Variants in ANKS6 observed in about 807,000 individuals in gnomAD.
The protein encoded by ANKS6 is ankyrin repeat and sterile alpha motif domain containing 6.
ANKS6 carries 47 observed loss-of-function variants against 77.9 expected under a neutral mutation model. The observed-to-expected ratio is 0.60, with a 90% confidence interval of 0.48 to 0.77. The LOEUF is 0.77. Ranked by LOEUF, ANKS6 falls within the 30% of genes least tolerant of loss-of-function variation. The probability of loss-of-function intolerance (pLI) is 0.00; values close to 1 mark genes in which losing one functional copy is unlikely to be tolerated. For missense variants in ANKS6, 1,150 were observed against 1,159.1 expected, an observed-to-expected ratio of 0.99 and a Z score of 0.11; for synonymous variants, 488 against 501.7, an observed-to-expected ratio of 0.97 and a Z score of 0.37.
intron 3 of ANKS6, 143 bp downstream of exon 3, chr9:98,784,689 C>G (rs1313030329): frequency 1.3e-6 from 1 of 766,498 alleles, no homozygotes; most frequent in African/African-American, 1.7e-5. Context: ...CCTCCAGGAT[C>G]TGAACTTCCA....
In ANKS6 at chr9:98,783,972, T is replaced by C; in HGVS notation, c.1093A>G (p.Met365Val). 6.3e-7 allele frequency: 1 copy of C among 1,599,756 alleles called. No homozygotes were observed. Among genetic ancestry groups the C allele is most frequent in the Non-Finnish European group, 8.5e-7 (1 of 1,174,098 alleles). Residue 365 changes from methionine to valine, a missense_variant, in exon 4 of 15, where the codon ATG becomes GTG. Coordinates refer to ENST00000353234, the MANE Select transcript of ANKS6 (RefSeq NM_173551.5). ...QDSVHGWTAL[M>V]QATYHGNKEI... ...ACTGACCCATGGTAGGTTGCCTGCA[T>C]GAGGGCCGTCCAGCCATGCACGCTG... is the stretch of plus-strand genomic sequence containing the variant.
At chr9:98,787,626 T>C (rs1018082758) in intron 2 of ANKS6, among the ~76,000 whole-genome samples, 7 of 152,200 alleles carry the variant, frequency 4.6e-5, no homozygotes, top group Admixed American at 2.6e-4. Context: ...TTCCATTTAT[T>C]GGATGTCGTC....
Position 98,736,571 on chromosome 9 carries a change from A to G in ANKS6, c.2564T>C (p.Phe855Ser), listed in dbSNP as rs200644058. The change falls in exon 15 of 15, where the codon TTT (phenylalanine) becomes TCT (serine). Residue 855 changes from phenylalanine to serine, a missense_variant. Phe to Ser is a radical substitution (Grantham distance 155). Transcript: ENST00000353234. The stretch of plus-strand genomic sequence containing the variant: ...CCTGGTGTTGCTGGCACTGCTCTCA[A>G]AGGAAGAGTGAAAGTTGTGAATGGT... ...QETIHNFHSS[F>S]ESSASNTRAP... is the part of the protein sequence containing the mutation. 1,716 of 1,613,736 alleles carry G rather than the reference A, an allele frequency of 1.1e-3. 1 individual carries two copies. Among genetic ancestry groups the G allele is most frequent in the Non-Finnish European group, 1.3e-3 (1,580 of 1,179,860 alleles).
At chr9:98,769,626 TA>T (rs1312548731) in intron 10 of ANKS6, among the ~76,000 whole-genome samples, 1 of 152,250 alleles carries the variant, frequency 6.6e-6, no homozygotes, top group Non-Finnish European at 1.5e-5. Context: ...CAGAGCAGTT[TA>T]TAGTTTAGAA....
In ANKS6 at chr9:98,768,251, C is replaced by T. The variant is rs1458080834; in HGVS notation, c.1973-1G>A. 6.2e-7 allele frequency: 1 copy of T among 1,613,850 alleles called. No individual in the cohort carries two copies. Among genetic ancestry groups the T allele is most frequent in the Admixed American group, 1.7e-5 (1 of 60,008 alleles). On this transcript the variant is annotated splice_acceptor_variant, in intron 10 of 14. Transcript: ENST00000353234. LOFTEE classifies it high-confidence loss of function. ...GACAAGACATTGTCTATGCTGCCACCTGAGGAAACACAAAATGAGTGAACA... is the reference window on the plus strand; with the variant it reads ...GACAAGACATTGTCTATGCTGCCACTTGAGGAAACACAAAATGAGTGAACA...
rs1427336378 is a variant in ANKS6, at chr9:98,796,487, C to T, written c.5G>A (p.Gly2Asp). 8 of 989,458 alleles carry T rather than the reference C, an allele frequency of 8.1e-6. No individual in the cohort carries two copies. The East Asian group carries it at 6.6e-4, about 82-fold the overall frequency. 61.3% of individuals were successfully genotyped at this position (989,458 alleles called of 1,614,324 possible). A position where few individuals can be genotyped will look rare whatever the true frequency, so the allele number is the denominator to read the frequency against. ...GAAGGCCGGGGGCAGCCCGCCCTCG[C>T]CCATCGCCGCCGCCACGCGCGGCCC... Reference protein sequence around the residue: MGEGGLPPAFQL... With the variant: MDEGGLPPAFQL... The change falls in exon 1 of 15, where the codon GGC becomes GAC. Residue 2 changes from glycine to aspartate, a missense_variant. Physicochemically the swap from Gly to Asp is moderately conservative, Grantham distance 94. Transcript: ENST00000353234.
chr9:98,748,793 C>T (rs1302345285), intron 13 of ANKS6, among the ~76,000 whole-genome samples: 1 of 152,110 alleles, frequency 6.6e-6, no homozygotes, highest in African/African-American at 2.4e-5. Context: ...TTCAAATACA[C>T]ATAGTTAAAT....
chr9:98,756,180 T>C (rs1350288594), intron 12 of ANKS6, among the ~76,000 whole-genome samples: 1 of 152,160 alleles, frequency 6.6e-6, no homozygotes, highest in Non-Finnish European at 1.5e-5. Flanking sequence ...TGTATGTTTG[T>C]GCATGTAAAC....
intron 8 of ANKS6, among the ~76,000 whole-genome samples, chr9:98,774,862 C>T (rs781527601): frequency 2.7e-4 from 41 of 152,342 alleles, no homozygotes; most frequent in East Asian, 1.5e-3. Context: ...TTTGCAGCAA[C>T]GGGCATCCCA....
intron 5 of ANKS6, among the ~76,000 whole-genome samples, chr9:98,781,878 C>T (rs1029424166): frequency 1.1e-4 from 16 of 152,250 alleles, no homozygotes; most frequent in Middle Eastern, 3.4e-3. Flanking sequence ...ATAAGAAAGA[C>T]GACAGATCAG....
chr9:98,791,507 T>C lies in ANKS6; in HGVS notation c.360-901A>G, dbSNP rs536548683. On this transcript the variant is annotated intron_variant, in intron 1 of 14. Coordinates refer to ENST00000353234, the MANE Select transcript of ANKS6 (RefSeq NM_173551.5). The surrounding 1 kb of genome is among the most constrained non-coding windows in gnomAD (Gnocchi z 4.3). ...CCTCTTCCCAGCAAAATCTCTTCCT[T>C]CTTTTAACACCAGAGGGCAGAAAAG... Among the ~76,000 whole-genome samples the C allele has an allele frequency of 1.3e-5, 2 of 152,238 alleles. No individual in the cohort carries two copies. The highest frequency in any genetic ancestry group is 1.9e-4 in the East Asian group (1 of 5,176).
At chr9:98,755,427 T>C (rs1447966683) in intron 12 of ANKS6, among the ~76,000 whole-genome samples, 1 of 152,200 alleles carries the variant, frequency 6.6e-6, no homozygotes. Context: ...ATGGGATTCC[T>C]TTCTTCATCT....
rs79980371 is a variant in ANKS6 at position 98,751,285 on chromosome 9, C to T, written c.2327-189G>A. On this transcript the variant is annotated intron_variant, in intron 12 of 14. Transcript: ENST00000353234. ...GTGGGTCCTGAGCTACCTGCACCCT[C>T]TTCCCCTCAAGGCAGGCCCTCAGCA... Among the ~76,000 whole-genome samples, 688 of 152,322 alleles carry T rather than the reference C, an allele frequency of 4.5e-3. 7 individuals are homozygous for T. The highest frequency in any genetic ancestry group is 0.021 in the East Asian group (111 of 5,180).
chr9:98,779,695 G>A (rs976324772), intron 6 of ANKS6, among the ~76,000 whole-genome samples: 1 of 151,596 alleles, frequency 6.6e-6, no homozygotes, highest in Admixed American at 6.6e-5. Flanking sequence ...ACGGAGTTTC[G>A]CTCTGTCGCC....
intron 11 of ANKS6, among the ~76,000 whole-genome samples, chr9:98,767,281 G>A (rs978115645): frequency 3.9e-5 from 6 of 152,120 alleles, no homozygotes; most frequent in African/African-American, 1.2e-4. Context: ...CTTAGGCCAC[G>A]CTGTCACCTC....
At chr9:98,761,576 C>A (rs1180002898) in intron 11 of ANKS6, among the ~76,000 whole-genome samples, 1 of 152,242 alleles carries the variant, frequency 6.6e-6, no homozygotes, top group South Asian at 2.1e-4. Context: ...CCAATTTTTT[C>A]TTTTATGTAT....
intron 11 of ANKS6, among the ~76,000 whole-genome samples, chr9:98,766,223 C>G (rs1833275872): frequency 6.6e-6 from 1 of 152,162 alleles, no homozygotes. Flanking sequence ...GATACAATCT[C>G]CTTTCATGAG....
rs1203576001 is a variant in ANKS6, at chr9:98,735,330, T to C, written c.*1189A>G. ...TCGAGAGCCTGAAGGCTCTGTATTG[T>C]GTCTGCACACTTGGCACCTGGTAGC... On this transcript the variant is annotated 3_prime_UTR_variant, in exon 15 of 15. Coordinates refer to ENST00000353234, the MANE Select transcript of ANKS6 (RefSeq NM_173551.5). 13 of 1,023,100 alleles carry C rather than the reference T, an allele frequency of 1.3e-5. No homozygotes were observed. The highest frequency in any genetic ancestry group is 1.5e-5 in the Non-Finnish European group (13 of 855,548). The allele number at this position is 1,023,100 out of a possible 1,614,324, so 63.4% of individuals were successfully genotyped here.
intron 11 of ANKS6, among the ~76,000 whole-genome samples, chr9:98,763,898 T>C (rs1032014899): frequency 6.6e-6 from 1 of 152,134 alleles, no homozygotes; most frequent in African/African-American, 2.4e-5. Flanking sequence ...CCTTGAAAGA[T>C]ACAAAGTACA....
Sources: gnomAD v4.1 joint callset for allele counts (sites outside exome capture counted in the v4.1 genomes callset) on GRCh38, gnomAD v4.1.1 for gene constraint, Gnocchi (gnomAD v3.1) non-coding constraint, MANE v1.5 for transcripts, NCBI Gene and HGNC (gene_info 2026-07-23, HGNC 2026-07-21) for gene names.